The following SLC17A1 variants were observed in gnomAD, a reference collection of about 807,000 sequenced individuals.
SLC17A1 encodes sodium-dependent phosphate transport protein 1.
SLC17A1 carries 51 observed loss-of-function variants against 53.5 expected under a neutral mutation model. The observed-to-expected ratio is 0.95, with a 90% confidence interval of 0.76 to 1.20. The LOEUF is 1.20. SLC17A1 is among the 50% of genes most tolerant of loss of function. The probability of loss-of-function intolerance (pLI) is 0.00; values close to 1 mark genes in which losing one functional copy is unlikely to be tolerated. For missense variants in SLC17A1, 538 were observed against 568.2 expected (o/e 0.95, Z 0.54); for synonymous variants, 179 against 198.8 (o/e 0.90, Z 0.84).
the SLC17A1 span, among the ~76,000 whole-genome samples, chr6:25,736,077 G>C: frequency 4.5e-5 from 6 of 134,210 alleles, no homozygotes; most frequent in Admixed American, 4.3e-4. Context: ...GGTGACATCA[G>C]AAATAAAAAC....
At chr6:25,815,994 A>G (rs1201160138) in intron 6 of SLC17A1, among the ~76,000 whole-genome samples, 1 of 151,498 alleles carries the variant, frequency 6.6e-6, no homozygotes, top group Non-Finnish European at 1.5e-5. Context: ...CCCTTCCCCA[A>G]GCTAGCTTTG....
At chr6:25,726,160 C>G in the SLC17A1 span, 1 of 1,567,986 alleles carries the variant, frequency 6.4e-7, no homozygotes, top group Non-Finnish European at 8.7e-7. Flanking sequence ...ATGGTGGTGA[C>G]TCTCAGTCTT....
the SLC17A1 span, among the ~76,000 whole-genome samples, chr6:25,767,060 G>A: frequency 6.6e-6 from 1 of 151,946 alleles, no homozygotes; most frequent in Non-Finnish European, 1.5e-5. Context: ...GAGATATAGA[G>A]GAACTCAACA....
chr6:25,747,648 A>T, the SLC17A1 span, among the ~76,000 whole-genome samples: 1 of 152,368 alleles, frequency 6.6e-6, no homozygotes, highest in Middle Eastern at 3.4e-3. Flanking sequence ...ATGAGGCTGG[A>T]TTCCTCATGA....
chr6:25,807,834 T>C (rs965878916), intron 10 of SLC17A1, among the ~76,000 whole-genome samples: 1 of 152,158 alleles, frequency 6.6e-6, no homozygotes, highest in East Asian at 1.9e-4. Context: ...CCATAATATA[T>C]ATATCACCAC....
intron 10 of SLC17A1, among the ~76,000 whole-genome samples, chr6:25,807,113 G>A (rs1199390912): frequency 6.6e-6 from 1 of 152,122 alleles, no homozygotes; most frequent in African/African-American, 2.4e-5. Context: ...ATGGAAAACA[G>A]TATGGAGATT....
rs754206902 is a variant in SLC17A1 at position 25,826,503 on chromosome 6, A to G, written c.165T>C (p.Gly55=). Reference sequence around the variant, plus strand: ...GCTTCTTTGTGGAGGTGTTGGGCAAACCATGTGGATCTGTGCTATTCACCA... The same window carrying G: ...GCTTCTTTGTGGAGGTGTTGGGCAAGCCATGTGGATCTGTGCTATTCACCA... ...VVMVNSTDPH[G]LPNTSTKKLL... Residue 55 remains glycine (G), a synonymous_variant, in exon 3 of 13, where the codon GGT becomes GGC. Coordinates refer to ENST00000244527, the MANE Select transcript of SLC17A1 (RefSeq NM_005074.5). 8.7e-6 allele frequency: 14 copies of G among 1,610,956 alleles called. No homozygotes were observed. The highest frequency in any genetic ancestry group is 1.2e-5 in the Non-Finnish European group (14 of 1,178,344).
chr6:25,831,090 T>A (rs145028329), intron 1 of SLC17A1, among the ~76,000 whole-genome samples: 1 of 152,332 alleles, frequency 6.6e-6, no homozygotes, highest in Non-Finnish European at 1.5e-5. Flanking sequence ...ACTATCTGCT[T>A]ATTGATAAGA....
In SLC17A1 at chr6:25,811,570, G is replaced by A. The variant is rs377700542; in HGVS notation, c.1031-25C>T. The A allele has an allele frequency of 1.7e-5, 27 of 1,613,648 alleles. No individual in the cohort carries two copies. The African/African-American group carries it at 2.0e-4, about 12-fold the overall frequency. On this transcript the variant is annotated intron_variant, in intron 9 of 12. Coordinates refer to ENST00000244527, the MANE Select transcript of SLC17A1 (RefSeq NM_005074.5). The stretch of plus-strand genomic sequence containing the variant: ...CCTGGGGAGTGATTCAGACAACATA[G>A]TCAGGTGCATCCTAAAGATAGGGGA...
At chr6:25,752,745 G>A in the SLC17A1 span, among the ~76,000 whole-genome samples, 2 of 152,130 alleles carry the variant, frequency 1.3e-5, no homozygotes, top group African/African-American at 2.4e-5. Context: ...AAGGTCAGGA[G>A]ATCGAGACCA....
the SLC17A1 span, chr6:25,726,047 C>T: frequency 5.5e-6 from 7 of 1,263,920 alleles, no homozygotes; most frequent in Non-Finnish European, 7.7e-6. Flanking sequence ...TAACGTACAG[C>T]CTTTTTCTGA....
At chr6:25,746,887 G>A in the SLC17A1 span, among the ~76,000 whole-genome samples, 1 of 152,170 alleles carries the variant, frequency 6.6e-6, no homozygotes, top group Non-Finnish European at 1.5e-5. Flanking sequence ...GTTATAATAT[G>A]TAATGCAACT....
At chr6:25,771,300 G>A in the SLC17A1 span, among the ~76,000 whole-genome samples, 22 of 152,260 alleles carry the variant, frequency 1.4e-4, no homozygotes, top group African/African-American at 4.6e-4. Flanking sequence ...TAGGCTAGGC[G>A]TGGTAGCTCA....
Position 25,826,605 on chromosome 6 carries a change from T to C in SLC17A1, c.63A>G (p.Gly21=). The change falls in exon 3 of 13, where the codon GGA becomes GGG. Residue 21 remains glycine (G), a synonymous_variant. Coordinates refer to ENST00000244527, the MANE Select transcript of SLC17A1 (RefSeq NM_005074.5). ...KVPGFCSFRY[G]LSFLVHCCNV... is the part of the protein sequence containing the mutation. The stretch of plus-strand genomic sequence containing the variant: ...TACAACAGTGCACAAGGAAAGACAA[T>C]CCATAGCGAAAGGAACAGAAACCTG... 6.3e-7 allele frequency: 1 copy of C among 1,587,366 alleles called. No individual in the cohort carries two copies. The highest frequency in any genetic ancestry group is 8.6e-7 in the Non-Finnish European group (1 of 1,166,130).
chr6:25,787,547 TC>T (rs1428433832), intron 12 of SLC17A1, among the ~76,000 whole-genome samples: 1 of 152,158 alleles, frequency 6.6e-6, no homozygotes, highest in African/African-American at 2.4e-5. Context: ...AATCATGAAG[TC>T]AGCTTATTCT....
downstream of SLC17A1, chr6:25,779,906 C>T (rs900085046): frequency 6.6e-6 from 1 of 152,194 alleles, no homozygotes; most frequent in African/African-American, 2.4e-5. Context: ...CTCTTCTAGC[C>T]CCTCCAACAG....
the SLC17A1 span, among the ~76,000 whole-genome samples, chr6:25,767,474 A>G: frequency 6.6e-6 from 1 of 152,200 alleles, no homozygotes; most frequent in African/African-American, 2.4e-5. Flanking sequence ...GGGGCCACAG[A>G]GAGCTCAGTA....
At chr6:25,808,053 T>G (rs1041471716) in intron 10 of SLC17A1, among the ~76,000 whole-genome samples, 9 of 152,136 alleles carry the variant, frequency 5.9e-5, no homozygotes, top group African/African-American at 2.2e-4. Context: ...CTGTCTTCCA[T>G]AGTGGTTGTA....
chr6:25,770,524 A>G, the SLC17A1 span: 1 of 1,538,052 alleles, frequency 6.5e-7, no homozygotes, highest in Non-Finnish European at 9.0e-7. Flanking sequence ...AGAACTCAGC[A>G]AAGTCCTGCC....
Sources: allele counts gnomAD v4.1 joint callset (sites outside exome capture counted in the v4.1 genomes callset), GRCh38; gene constraint gnomAD v4.1.1; transcripts MANE v1.5; gene names NCBI Gene and HGNC (gene_info 2026-07-23, HGNC 2026-07-21).